UBE3B: variants seen among roughly 807,000 people sequenced by gnomAD.
UBE3B encodes ubiquitin protein ligase E3B.
A neutral mutation model predicts 132.3 loss-of-function variants in UBE3B; 80 were observed. The ratio of observed to expected loss-of-function variants is 0.60; its 90% CI spans 0.50 to 0.73. The LOEUF is 0.73. Among genes scored for constraint, UBE3B ranks in the 30% least tolerant of loss-of-function variants. UBE3B has a pLI of 0.00. For synonymous variants in UBE3B, 487 were observed against 520.4 expected (o/e 0.94, Z 0.87); for missense variants, 1,196 against 1,362.5 (o/e 0.88, Z 1.92).
chr12:109,546,278 G>A, the UBE3B span, among the ~76,000 whole-genome samples: 9 of 152,184 alleles, frequency 5.9e-5, no homozygotes, highest in Admixed American at 1.3e-4. Context: ...GCTCATCCCA[G>A]CGAGTGTTCA....
At chr12:109,524,349 C>T in intron 22 of UBE3B, 89 bp from the exon 23 acceptor site, 4 of 1,518,620 alleles carry the variant, frequency 2.6e-6, no homozygotes, top group Non-Finnish European at 2.7e-6. Context: ...GTGTTCCCAG[C>T]ACCAAAGCAG....
chr12:109,540,345 CCACA>C (rs1179632478), downstream of UBE3B, among the ~76,000 whole-genome samples: 2 of 152,172 alleles, frequency 1.3e-5, no homozygotes, highest in African/African-American at 2.4e-5. Context: ...GTAGCTGGGA[CCACA>C]AGTGTGCATC....
intron 14 of UBE3B, among the ~76,000 whole-genome samples, chr12:109,505,759 C>T (rs1879577526): frequency 6.6e-6 from 1 of 152,182 alleles, no homozygotes; most frequent in African/African-American, 2.4e-5. Context: ...TTTAGAATTC[C>T]TTCAGTTCAC....
In UBE3B at chr12:109,505,608, A is replaced by C. The variant is rs550893322; in HGVS notation, c.1451-1956A>C. On this transcript the variant is annotated intron_variant, in intron 14 of 27. Transcript: ENST00000342494. Reference sequence around the variant, plus strand: ...ATGGACAGTTGAAAGACTAGTTATGAGTGGGGCACCTATGTCATCACCAAC... The same window carrying C: ...ATGGACAGTTGAAAGACTAGTTATGCGTGGGGCACCTATGTCATCACCAAC... 6.6e-5 allele frequency among the ~76,000 whole-genome samples: 10 copies of C among 152,344 alleles called. No individual in the cohort carries two copies. The East Asian group carries it at 1.9e-3, about 29-fold the overall frequency.
chr12:109,521,608 T>G lies in UBE3B; in HGVS notation c.2364+57T>G. On this transcript the variant is annotated intron_variant, in intron 21 of 27. Transcript: ENST00000342494. This position sits in a 1 kb window ranked among gnomAD's most constrained non-coding sequence, Gnocchi z 4.2. ...ATAAAATGTTAACGGTACCATGGGC[T>G]TCTTCACATACACATATGTGATCAG... 6.9e-7 allele frequency: 1 copy of G among 1,441,914 alleles called. No individual in the cohort carries two copies. Among genetic ancestry groups the G allele is most frequent in the Middle Eastern group, 1.8e-4 (1 of 5,486 alleles). 89.3% of individuals were successfully genotyped at this position (1,441,914 alleles called of 1,614,324 possible).
rs1310221240 is a variant in UBE3B at position 109,489,942 on chromosome 12, A to T, written c.568A>T (p.Asn190Tyr). 3 of 1,614,074 alleles carry T rather than the reference A, an allele frequency of 1.9e-6. No individual in the cohort carries two copies. The highest frequency in any genetic ancestry group is 1.3e-5 in the African/African-American group (1 of 74,938). The change falls in exon 8 of 28, where the codon AAC (asparagine) becomes TAC (tyrosine). Residue 190 changes from asparagine to tyrosine, a missense_variant. Transcript: ENST00000342494. Reference sequence around the variant, plus strand: ...AGGTGAAAGTCTTCGACCAGCGATGAACCACATTTGTGCAAATATAATGGG... The same window carrying T: ...AGGTGAAAGTCTTCGACCAGCGATGTACCACATTTGTGCAAATATAATGGG... ...GKGESLRPAM[N>Y]HICANIMGHL...
intron 18 of UBE3B, among the ~76,000 whole-genome samples, chr12:109,515,071 G>A (rs1198333847): frequency 1.3e-5 from 2 of 151,680 alleles, no homozygotes; most frequent in African/African-American, 4.8e-5. Flanking sequence ...TCGCCACCAC[G>A]CCCAGCTAAT....
In UBE3B at chr12:109,516,594, C is replaced by A. The variant is rs12317886; in HGVS notation, c.1957-171C>A. Among the ~76,000 whole-genome samples the A allele has an allele frequency of 8.9e-3, 1,360 of 152,234 alleles. 23 individuals carry two copies. Among genetic ancestry groups the A allele is most frequent in the African/African-American group, 0.031 (1,292 of 41,534 alleles). On this transcript the variant is annotated intron_variant, in intron 18 of 27. Coordinates refer to ENST00000342494, the MANE Select transcript of UBE3B (RefSeq NM_130466.4). The stretch of plus-strand genomic sequence containing the variant: ...AGTATTTCTAATTCCCACAAGTGTT[C>A]CAGGGAATGCTTCTGTTCTCACAGG...
Position 109,503,063 on chromosome 12 carries a change from G to C in UBE3B, c.1323G>C (p.Arg441=), listed in dbSNP as rs528776713. Residue 441 remains arginine (R), a synonymous_variant, in exon 14 of 28, where the codon CGG becomes CGC. Transcript: ENST00000342494. ...CTTTTCAAAAGTCGGCATCAGTCCGGAATATTCTCAGGCCTGTCGGGGGTA... is the reference window on the plus strand; with the variant it reads ...CTTTTCAAAAGTCGGCATCAGTCCGCAATATTCTCAGGCCTGTCGGGGGTA... ...KRAFQKSASV[R]NILRPVGGKR... 14 of 1,614,154 alleles carry C rather than the reference G, an allele frequency of 8.7e-6. No individual in the cohort carries two copies. In the African/African-American group the frequency reaches 1.6e-4, roughly 18 times the overall value.
At chr12:109,529,244 T>C (rs529664266) in intron 24 of UBE3B, among the ~76,000 whole-genome samples, 4 of 152,362 alleles carry the variant, frequency 2.6e-5, no homozygotes, top group Non-Finnish European at 1.5e-5. Flanking sequence ...GAGAGGATTA[T>C]ATGCTTTATG....
rs146700174 is a variant in UBE3B at position 109,513,875 on chromosome 12, G to A, written c.1956+2572G>A. On this transcript the variant is annotated intron_variant, in intron 18 of 27. Transcript: ENST00000342494. ...TTCAGAGCAGATGGGCTGTCTTGTT[G>A]CCCCTCCGCCCATCTCAAGCTTCAA... Among the ~76,000 whole-genome samples the A allele has an allele frequency of 2.8e-3, 429 of 152,116 alleles. 4 individuals are homozygous for A. Among genetic ancestry groups the A allele is most frequent in the African/African-American group, 0.01 (417 of 41,488 alleles).
rs1466554944 is a variant in UBE3B at position 109,536,612 on chromosome 12, G to A, written c.*1830G>A. ...ACTGACACCTTGATGGCTCTTGATG[G>A]CTCTAAAAAGTTGTAGGATTTTTTG... On this transcript the variant is annotated 3_prime_UTR_variant, in exon 28 of 28. Transcript: ENST00000342494. 6.6e-6 allele frequency: 1 copy of A among 152,204 alleles called. No homozygotes were observed. Among genetic ancestry groups the A allele is most frequent in the Non-Finnish European group, 1.5e-5 (1 of 68,032 alleles). 9.4% of individuals were successfully genotyped at this position (152,204 alleles called of 1,614,324 possible).
chr12:109,511,066 G>A (rs1880305730), intron 17 of UBE3B, 138 bp from the exon 18 acceptor site: 2 of 709,546 alleles, frequency 2.8e-6, no homozygotes, highest in African/African-American at 1.8e-5. Flanking sequence ...GTATGAATGA[G>A]TATGGTCATG....
intron 2 of UBE3B, among the ~76,000 whole-genome samples, chr12:109,483,315 A>T (rs1217017910): frequency 6.6e-6 from 1 of 152,176 alleles, no homozygotes; most frequent in African/African-American, 2.4e-5. Context: ...ATTATTTAAT[A>T]TAGGATGTAG....
chr12:109,519,763 T>C (rs1178935399), intron 19 of UBE3B: 2 of 152,200 alleles, frequency 1.3e-5, no homozygotes, highest in African/African-American at 4.8e-5. Context: ...TCTCAAACTT[T>C]ATGTACATAA....
downstream of UBE3B, among the ~76,000 whole-genome samples, chr12:109,540,931 C>T (rs1434316961): frequency 6.6e-6 from 1 of 152,236 alleles, no homozygotes; most frequent in Non-Finnish European, 1.5e-5. Context: ...GGGACCCACG[C>T]AAGAAGTGCG....
intron 23 of UBE3B, 94 bp from the exon 24 acceptor site, chr12:109,526,264 A>C: frequency 1.6e-6 from 2 of 1,249,224 alleles, no homozygotes; most frequent in Non-Finnish European, 2.3e-6. Flanking sequence ...TTCCATCATT[A>C]TCATGGATGT....
At chr12:109,519,738 A>C (rs1881469398) in intron 19 of UBE3B, 1 of 152,170 alleles carries the variant, frequency 6.6e-6, no homozygotes, top group Non-Finnish European at 1.5e-5. Flanking sequence ...CCCTTTTGTC[A>C]TCTAACTTAA....
intron 15 of UBE3B, 97 bp downstream of exon 15, chr12:109,507,832 A>G (rs2135969903): frequency 2.2e-6 from 3 of 1,371,142 alleles, no homozygotes; most frequent in East Asian, 2.3e-5. Context: ...TGATTACTGC[A>G]AACATTTGGA....
Sources: gnomAD v4.1 joint callset for allele counts (sites outside exome capture counted in the v4.1 genomes callset) on GRCh38, gnomAD v4.1.1 for gene constraint, Gnocchi (gnomAD v3.1) non-coding constraint, MANE v1.5 for transcripts, NCBI Gene and HGNC (gene_info 2026-07-23, HGNC 2026-07-21) for gene names.